Variants in MAGI2 observed in about 807,000 individuals in gnomAD.
MAGI2 encodes membrane-associated guanylate kinase, WW and PDZ domain-containing protein 2.
In MAGI2, 35 loss-of-function variants were observed where a neutral mutation model predicts 133.3. The observed-to-expected ratio is 0.26, with a 90% CI of 0.20 to 0.35. The LOEUF (loss-of-function observed/expected upper bound fraction) is 0.35. Ranked by LOEUF, MAGI2 falls within the 10% of genes least tolerant of loss-of-function variation. The probability of loss-of-function intolerance (pLI) is 1.00; values close to 1 mark genes in which losing one functional copy is unlikely to be tolerated. For missense variants in MAGI2, 1,636 were observed against 1,863.4 expected, an observed-to-expected ratio of 0.88 and a Z score of 2.25; for synonymous variants, 729 against 710.6, an observed-to-expected ratio of 1.03 and a Z score of -0.41.
intron 1 of MAGI2, among the ~76,000 whole-genome samples, chr7:79,391,851 T>TG (rs1400065011): frequency 6.6e-6 from 1 of 151,690 alleles, no homozygotes; most frequent in Admixed American, 6.6e-5. Context: ...ACCCGGCTAA[T>TG]TTTTTTGTAT....
At chr7:78,187,082 T>C in intron 12 of MAGI2, among the ~76,000 whole-genome samples, 1 of 152,188 alleles carries the variant, frequency 6.6e-6, no homozygotes, top group South Asian at 2.1e-4. Context: ...AATTTCATGT[T>C]AAGTTTACCA....
intron 2 of MAGI2, among the ~76,000 whole-genome samples, chr7:78,981,299 C>T (rs1012904412): frequency 6.6e-6 from 1 of 151,518 alleles, no homozygotes; most frequent in Admixed American, 6.6e-5. Context: ...CTCTCCTTGT[C>T]GTAACTTCCC....
At chr7:78,961,039 G>A (rs1802794308) in intron 2 of MAGI2, among the ~76,000 whole-genome samples, 2 of 152,022 alleles carry the variant, frequency 1.3e-5, no homozygotes, top group South Asian at 4.2e-4. Context: ...GCAGCTCCTT[G>A]GAGGGATTCT....
At chr7:78,188,629 TG>T (rs1215648946) in intron 12 of MAGI2, among the ~76,000 whole-genome samples, 1 of 152,048 alleles carries the variant, frequency 6.6e-6, no homozygotes, top group Non-Finnish European at 1.5e-5. Flanking sequence ...AGAACATACG[TG>T]GGGGGTACTT....
At chr7:78,385,693 A>T (rs1795319541) in intron 6 of MAGI2, among the ~76,000 whole-genome samples, 1 of 152,204 alleles carries the variant, frequency 6.6e-6, no homozygotes, top group Non-Finnish European at 1.5e-5. Context: ...CTGAAATCAC[A>T]ATTCTTTCCA....
chr7:78,481,254 A>T (rs544904179), intron 6 of MAGI2, among the ~76,000 whole-genome samples: 1 of 152,058 alleles, frequency 6.6e-6, no homozygotes, highest in East Asian at 1.9e-4. Context: ...GGCCTCAGAA[A>T]ACTTATAATC....
intron 2 of MAGI2, among the ~76,000 whole-genome samples, chr7:78,671,311 T>G (rs1358830838): frequency 6.6e-6 from 1 of 151,744 alleles, no homozygotes; most frequent in Non-Finnish European, 1.5e-5. Context: ...AGCCAGTAAC[T>G]TGGTTTTCTT....
chr7:79,187,564 A>G (rs1217646502), intron 1 of MAGI2, among the ~76,000 whole-genome samples: 1 of 151,876 alleles, frequency 6.6e-6, no homozygotes, highest in Non-Finnish European at 1.5e-5. Flanking sequence ...CTCAGCAACA[A>G]TTTACTGGAT....
intron 3 of MAGI2, among the ~76,000 whole-genome samples, chr7:78,571,349 C>T (rs879001258): frequency 6.6e-6 from 1 of 152,090 alleles, no homozygotes; most frequent in Non-Finnish European, 1.5e-5. Flanking sequence ...CAATGTAATA[C>T]CCTTTGGAAT....
At chr7:79,253,963 G>A (rs929024404) in intron 1 of MAGI2, among the ~76,000 whole-genome samples, 4 of 146,836 alleles carry the variant, frequency 2.7e-5, no homozygotes, top group African/African-American at 9.9e-5. Context: ...GATTTTGAGA[G>A]CTATGCTAAA....
chr7:78,650,203 G>T (rs1434932302), intron 2 of MAGI2, among the ~76,000 whole-genome samples: 1 of 152,162 alleles, frequency 6.6e-6, no homozygotes, highest in Non-Finnish European at 1.5e-5. Flanking sequence ...GAGAGATCCT[G>T]GATACAGCCA....
intron 1 of MAGI2, chr7:79,413,914 G>C: frequency 6.6e-6 from 1 of 152,022 alleles, no homozygotes; most frequent in Middle Eastern, 3.2e-3. Context: ...TCCATTTGCT[G>C]ATCTCTGATG....
At chr7:79,108,677 A>T (rs2129543735) in intron 1 of MAGI2, among the ~76,000 whole-genome samples, 1 of 152,158 alleles carries the variant, frequency 6.6e-6, no homozygotes, top group South Asian at 2.1e-4. Flanking sequence ...TCAGTGGAAG[A>T]TTTTATTTAT....
intron 16 of MAGI2, among the ~76,000 whole-genome samples, chr7:78,145,215 C>T (rs921235837): frequency 2.0e-5 from 3 of 152,126 alleles, no homozygotes; most frequent in African/African-American, 4.8e-5. Context: ...GCTTTATTGT[C>T]TTCTAGCATC....
intron 9 of MAGI2, among the ~76,000 whole-genome samples, chr7:78,267,339 C>T (rs1266953728): frequency 6.6e-6 from 1 of 152,182 alleles, no homozygotes; most frequent in Non-Finnish European, 1.5e-5. Context: ...AAAAATGTGA[C>T]TGTATATTGC....
chr7:79,256,983 G>C (rs986302332), intron 1 of MAGI2, among the ~76,000 whole-genome samples: 1 of 152,040 alleles, frequency 6.6e-6, no homozygotes, highest in East Asian at 1.9e-4. Flanking sequence ...GTACAACATG[G>C]TGACTATAGT....
chr7:79,048,058 T>A (rs924794564), intron 1 of MAGI2, among the ~76,000 whole-genome samples: 1 of 152,180 alleles, frequency 6.6e-6, no homozygotes, highest in Admixed American at 6.5e-5. Context: ...TTGCTTGGCA[T>A]GTCCTTTGTT....
chr7:78,753,671 C>A (rs144506760), intron 2 of MAGI2, among the ~76,000 whole-genome samples: 1 of 151,402 alleles, frequency 6.6e-6, no homozygotes, highest in Non-Finnish European at 1.5e-5. Context: ...CAACTAGTTA[C>A]GGATTTCTTT....
At chr7:78,715,639 T>C (rs1819624767) in intron 2 of MAGI2, among the ~76,000 whole-genome samples, 2 of 152,106 alleles carry the variant, frequency 1.3e-5, no homozygotes, top group South Asian at 2.1e-4. Flanking sequence ...CTAAAAAGCA[T>C]AGAAGGGTGA....
Sources: gnomAD v4.1 joint callset for allele counts (sites outside exome capture counted in the v4.1 genomes callset) on GRCh38, gnomAD v4.1.1 for gene constraint, MANE v1.5 for transcripts, NCBI Gene and HGNC (gene_info 2026-07-23, HGNC 2026-07-21) for gene names.